Variants in ADGRF5 observed in about 807,000 individuals in gnomAD.
ADGRF5 encodes adhesion G protein-coupled receptor F5.
In ADGRF5, 75 loss-of-function variants were observed where a neutral mutation model predicts 132.3. That is an observed-to-expected ratio of 0.57 (90% CI 0.47 to 0.69). The LOEUF (loss-of-function observed/expected upper bound fraction) is 0.69, where lower values mean the gene tolerates loss of function less well. ADGRF5 is among the 30% of genes least tolerant of loss of function. The pLI, the probability that ADGRF5 is intolerant of heterozygous loss-of-function variation, is 0.00. For missense variants in ADGRF5, 1,516 were observed against 1,630.6 expected, an observed-to-expected ratio of 0.93 and a Z score of 1.21; for synonymous variants, 629 against 597.6, an observed-to-expected ratio of 1.05 and a Z score of -0.77.
intron 1 of ADGRF5, among the ~76,000 whole-genome samples, chr6:46,944,293 C>T (rs1778213403): frequency 1.3e-5 from 2 of 152,168 alleles, no homozygotes; most frequent in South Asian, 2.1e-4. Flanking sequence ...CGGTGAGAAT[C>T]GAATGCCACC....
Position 46,953,657 on chromosome 6 carries a change from A to G in ADGRF5, c.-25+1077T>C, listed in dbSNP as rs12206079. On this transcript the variant is annotated intron_variant, in intron 1 of 20. Transcript: ENST00000265417. ...TATATATATAGATATATGTGTATAT[A>G]TATATATATATATATATATATATAT... 1.1e-3 allele frequency among the ~76,000 whole-genome samples: 47 copies of G among 43,984 alleles called. 2 individuals carry two copies. The highest frequency in any genetic ancestry group is 2.6e-3 in the African/African-American group (43 of 16,398). The allele number at this position is 43,984 out of a possible 152,430, so 28.9% of individuals were successfully genotyped here. A position where few individuals can be genotyped will look rare whatever the true frequency, so the allele number is the denominator to read the frequency against.
chr6:46,877,263 CTTTCT>C (rs1373017721), intron 10 of ADGRF5, among the ~76,000 whole-genome samples: 1 of 38,220 alleles, frequency 2.6e-5, no homozygotes, highest in Non-Finnish European at 4.9e-5. Flanking sequence ...TTCTTTCTTT[CTTTCT>C]TTCTTTCTTT....
intron 10 of ADGRF5, among the ~76,000 whole-genome samples, chr6:46,873,699 C>T (rs1272488234): frequency 6.6e-6 from 1 of 152,154 alleles, no homozygotes; most frequent in Non-Finnish European, 1.5e-5. Flanking sequence ...GCAACACTCT[C>T]GTTGGAAACT....
At chr6:46,890,443 C>T (rs944099494) in intron 3 of ADGRF5, among the ~76,000 whole-genome samples, 13 of 151,868 alleles carry the variant, frequency 8.6e-5, no homozygotes, top group African/African-American at 1.5e-4. Flanking sequence ...GTAGGGCGGG[C>T]GCCATGGCTT....
intron 3 of ADGRF5, among the ~76,000 whole-genome samples, chr6:46,894,255 C>A (rs1773950364): frequency 6.6e-6 from 1 of 152,220 alleles, no homozygotes; most frequent in Non-Finnish European, 1.5e-5. Context: ...CATTGTCTGT[C>A]TACTACTGTG....
intron 1 of ADGRF5, among the ~76,000 whole-genome samples, chr6:46,921,469 A>G (rs953196243): frequency 6.6e-6 from 1 of 152,108 alleles, no homozygotes; most frequent in African/African-American, 2.4e-5. Flanking sequence ...AAAGGATCCC[A>G]GCTAGTTGCT....
At chr6:46,910,688 G>A (rs939935822) in intron 1 of ADGRF5, among the ~76,000 whole-genome samples, 2 of 151,586 alleles carry the variant, frequency 1.3e-5, no homozygotes, top group African/African-American at 2.4e-5. Context: ...TTTCTTGGTG[G>A]GAAATCAACC....
intron 1 of ADGRF5, among the ~76,000 whole-genome samples, chr6:46,946,419 A>G (rs1214296834): frequency 6.6e-6 from 1 of 152,210 alleles, no homozygotes; most frequent in East Asian, 1.9e-4. Flanking sequence ...CACAATGTGA[A>G]TGGTTGGTGA....
At chr6:46,888,947 T>A (rs529292431) in intron 3 of ADGRF5, among the ~76,000 whole-genome samples, 327 of 152,220 alleles carry the variant, frequency 2.1e-3, no homozygotes, top group African/African-American at 7.5e-3. Flanking sequence ...GGAAACAGCA[T>A]ATATTCTTTG....
At chr6:46,930,162 C>A (rs1426364802) in intron 1 of ADGRF5, among the ~76,000 whole-genome samples, 3 of 152,146 alleles carry the variant, frequency 2.0e-5, no homozygotes, top group African/African-American at 7.2e-5. Context: ...TTAAGTGGTT[C>A]TTTTTAACAT....
intron 1 of ADGRF5, among the ~76,000 whole-genome samples, chr6:46,947,555 G>A (rs372713971): frequency 1.3e-5 from 2 of 152,240 alleles, no homozygotes; most frequent in East Asian, 3.9e-4. Context: ...TAATGTAAAC[G>A]AAGAAGTGGT....
intron 16 of ADGRF5, among the ~76,000 whole-genome samples, chr6:46,860,073 C>T (rs1017613673): frequency 6.6e-6 from 1 of 152,134 alleles, no homozygotes; most frequent in Non-Finnish European, 1.5e-5. Context: ...TTCTCCTGAG[C>T]ACATGTCTGG....
intron 1 of ADGRF5, among the ~76,000 whole-genome samples, chr6:46,940,374 G>A (rs2150942659): frequency 6.6e-6 from 1 of 152,318 alleles, no homozygotes. Flanking sequence ...AAGCAAAGGG[G>A]ACAAGAAGCA....
At chr6:46,911,028 T>C (rs113001808) in intron 1 of ADGRF5, among the ~76,000 whole-genome samples, 63 of 152,316 alleles carry the variant, frequency 4.1e-4, no homozygotes, top group Middle Eastern at 3.4e-3. Flanking sequence ...TGCATTTATC[T>C]CACCACTTCT....
intron 5 of ADGRF5, 49 bp downstream of exon 5, chr6:46,884,046 A>G (rs1772787192): frequency 1.4e-6 from 2 of 1,467,720 alleles, no homozygotes; most frequent in East Asian, 2.3e-5. Flanking sequence ...CCAGTCGTAA[A>G]CTGATGTTGA....
At chr6:46,904,959 T>C (rs1001003675) in intron 2 of ADGRF5, among the ~76,000 whole-genome samples, 4 of 152,144 alleles carry the variant, frequency 2.6e-5, no homozygotes, top group Admixed American at 1.3e-4. Flanking sequence ...TCCAAGAAGA[T>C]GGATTTCACA....
intron 1 of ADGRF5, among the ~76,000 whole-genome samples, chr6:46,929,498 T>A (rs911012442): frequency 7.4e-6 from 1 of 135,190 alleles, no homozygotes; most frequent in Non-Finnish European, 1.6e-5. Flanking sequence ...ATAATAATAA[T>A]AAAATAAAAA....
At chr6:46,936,179 T>G (rs1777817485) in intron 1 of ADGRF5, among the ~76,000 whole-genome samples, 1 of 152,116 alleles carries the variant, frequency 6.6e-6, no homozygotes, top group Admixed American at 6.5e-5. Context: ...GGAAAATCAG[T>G]CTCAGAGAGG....
intron 4 of ADGRF5, among the ~76,000 whole-genome samples, chr6:46,887,734 T>A (rs1773198735): frequency 6.6e-6 from 1 of 152,222 alleles, no homozygotes; most frequent in African/African-American, 2.4e-5. Flanking sequence ...GGAAGCCTTA[T>A]CTCACAACTT....
Sources: gnomAD v4.1 joint callset for allele counts (sites outside exome capture counted in the v4.1 genomes callset) on GRCh38, gnomAD v4.1.1 for gene constraint, MANE v1.5 for transcripts, NCBI Gene and HGNC (gene_info 2026-07-23, HGNC 2026-07-21) for gene names.